Variants in RAB9B observed in about 807,000 individuals in gnomAD.
RAB9B encodes the protein ras-related protein Rab-9B.
In RAB9B, 1 loss-of-function variant was observed where a neutral mutation model predicts 8.9. The ratio of observed to expected loss-of-function variants is 0.11; its 90% CI spans 0.04 to 0.53. The LOEUF (loss-of-function observed/expected upper bound fraction) is 0.53, where lower values mean the gene tolerates loss of function less well. Among genes scored for constraint, RAB9B ranks in the 20% least tolerant of loss-of-function variants. The pLI is 0.93. For synonymous variants in RAB9B, 63 were observed against 57.0 expected (o/e 1.10, Z -0.47); for missense variants, 82 against 152.9 (o/e 0.54, Z 2.45).
chrX:103,830,252 T>C (rs2074698140), intron 1 of RAB9B, among the ~76,000 whole-genome samples: 1 of 111,818 alleles, frequency 8.9e-6, no homozygotes, highest in Non-Finnish European at 1.9e-5. Flanking sequence ...ATGAATGTCA[T>C]GTCCTTTAGT....
At chrX:103,812,009 G>C in the RAB9B span, among the ~76,000 whole-genome samples, 390 of 108,440 alleles carry the variant, frequency 3.6e-3, 7 homozygotes, top group East Asian at 0.038. Flanking sequence ...TATGGAAAGC[G>C]GGGGCAAGGA....
chrX:103,828,416 A>G (rs1418026220), intron 1 of RAB9B, among the ~76,000 whole-genome samples: 2 of 112,083 alleles, frequency 1.8e-5, no homozygotes, highest in African/African-American at 6.5e-5. Context: ...ATTTCTTTAA[A>G]TGGAGATGAA....
chrX:103,808,280 G>T, the RAB9B span, among the ~76,000 whole-genome samples: 1 of 111,784 alleles, frequency 8.9e-6, no homozygotes, highest in East Asian at 2.8e-4. Flanking sequence ...TAAAATGGGG[G>T]CAACAACAGT....
At chrX:103,819,498 C>T (rs1227492401), downstream of RAB9B, among the ~76,000 whole-genome samples, 3 of 111,490 alleles carry the variant, frequency 2.7e-5, no homozygotes, top group Non-Finnish European at 5.7e-5. Context: ...TTCTATATGA[C>T]TACAGGTGAC....
the RAB9B span, chrX:103,788,785 C>CA: frequency 2.7e-6 from 1 of 364,054 alleles, no homozygotes; most frequent in Non-Finnish European, 4.8e-6. Context: ...AGCCTAATGG[C>CA]AAAATCCCCC....
the RAB9B span, chrX:103,785,452 C>A: frequency 1.8e-6 from 1 of 556,471 alleles, no homozygotes; most frequent in Non-Finnish European, 3.1e-6. Flanking sequence ...AAACCTCTAG[C>A]CGCTCCTGCT....
downstream of RAB9B, among the ~76,000 whole-genome samples, chrX:103,819,771 T>C (rs370953908): frequency 2.7e-5 from 3 of 112,162 alleles, no homozygotes; most frequent in Admixed American, 9.5e-5. Flanking sequence ...GAGAGCTCTT[T>C]TGGTGATGGA....
chrX:103,799,187 T>TA, the RAB9B span, among the ~76,000 whole-genome samples: 1 of 103,042 alleles, frequency 9.7e-6, no homozygotes, highest in African/African-American at 3.6e-5. Flanking sequence ...TCTGCTCAAA[T>TA]TTATATATAT....
At chrX:103,780,072 G>A in the RAB9B span, 1 of 112,993 alleles carries the variant, frequency 8.9e-6, no homozygotes, top group Non-Finnish European at 1.9e-5. Flanking sequence ...AGCTCAGCAA[G>A]TACTGATTGA....
At chrX:103,788,336 C>G in the RAB9B span, 2 of 641,189 alleles carry the variant, frequency 3.1e-6, no homozygotes, top group African/African-American at 4.3e-5. Flanking sequence ...AACTTTACAG[C>G]CAGGATAATT....
intron 1 of RAB9B, among the ~76,000 whole-genome samples, chrX:103,831,749 C>T (rs745871563): frequency 9.1e-6 from 1 of 109,841 alleles, no homozygotes; most frequent in East Asian, 2.9e-4. Context: ...GTCCTCTCAC[C>T]TCACCCCCAG....
At chrX:103,789,042 T>G in the RAB9B span, 1 of 375,761 alleles carries the variant, frequency 2.7e-6, no homozygotes. Flanking sequence ...CAGCAAAATG[T>G]TGACTTTAAA....
downstream of RAB9B, among the ~76,000 whole-genome samples, chrX:103,819,760 T>C (rs1457451233): frequency 1.8e-5 from 2 of 112,179 alleles, no homozygotes; most frequent in Non-Finnish European, 3.8e-5. Flanking sequence ...TAGTAAAGAA[T>C]GAGAGCTCTT....
chrX:103,799,886 C>T, the RAB9B span, among the ~76,000 whole-genome samples: 8 of 111,180 alleles, frequency 7.2e-5, no homozygotes, highest in African/African-American at 2.0e-4. Context: ...CAGATGGATG[C>T]GGGGCGGGGG....
chrX:103,802,544 T>A, the RAB9B span, among the ~76,000 whole-genome samples: 1 of 111,747 alleles, frequency 8.9e-6, no homozygotes, highest in African/African-American at 3.3e-5. Context: ...AGCCTTTGCT[T>A]TACTGGGAAA....
chrX:103,831,689 G>A (rs770758163), intron 1 of RAB9B, among the ~76,000 whole-genome samples: 1 of 108,534 alleles, frequency 9.2e-6, no homozygotes, highest in African/African-American at 3.4e-5. Flanking sequence ...TTAGCATTAC[G>A]GACCTAGAAA....
the RAB9B span, chrX:103,788,570 C>A: frequency 2.3e-6 from 2 of 853,817 alleles, no homozygotes; most frequent in Non-Finnish European, 3.5e-6. Context: ...AAATTACACC[C>A]ATGGCCTTCA....
chrX:103,826,398 C>T (rs2074683559), intron 2 of RAB9B, among the ~76,000 whole-genome samples: 1 of 111,599 alleles, frequency 9.0e-6, no homozygotes, highest in African/African-American at 3.3e-5. Flanking sequence ...ATAGGAACAC[C>T]CTCTCAAGTA....
At chrX:103,788,451 A>T in the RAB9B span, 1 of 1,206,422 alleles carries the variant, frequency 8.3e-7, no homozygotes. Context: ...TCTCCCATGG[A>T]ATGCTTTCCC....
Sources: allele counts gnomAD v4.1 joint callset (sites outside exome capture counted in the v4.1 genomes callset), GRCh38; gene constraint gnomAD v4.1.1; transcripts MANE v1.5; gene names NCBI Gene and HGNC (gene_info 2026-07-23, HGNC 2026-07-21).